The following SCNN1B variants were observed in gnomAD, a reference collection of about 807,000 sequenced individuals.
The protein encoded by SCNN1B is epithelial sodium channel subunit beta.
SCNN1B carries 46 observed loss-of-function variants against 65.3 expected under a neutral mutation model. That is an observed-to-expected ratio of 0.70 (90% CI 0.56 to 0.90). The LOEUF (loss-of-function observed/expected upper bound fraction) is 0.90, where lower values mean the gene tolerates loss of function less well. Among genes scored for constraint, SCNN1B ranks in the 40% least tolerant of loss-of-function variants. SCNN1B has a pLI of 0.00. For synonymous variants in SCNN1B, 349 were observed against 330.6 expected, an observed-to-expected ratio of 1.06 and a Z score of -0.60; for missense variants, 751 against 830.5, an observed-to-expected ratio of 0.90 and a Z score of 1.18.
At chr16:23,358,829 C>T (rs1370537423) in intron 4 of SCNN1B, among the ~76,000 whole-genome samples, 1 of 152,222 alleles carries the variant, frequency 6.6e-6, no homozygotes. Flanking sequence ...ATCACTTGAA[C>T]CCGGAAGGCA....
chr16:23,327,857 A>T (rs1352556102), intron 1 of SCNN1B, among the ~76,000 whole-genome samples: 2 of 152,212 alleles, frequency 1.3e-5, no homozygotes, highest in Non-Finnish European at 2.9e-5. Flanking sequence ...AAGGACATTC[A>T]CAAAGAAAAG....
intron 1 of SCNN1B, among the ~76,000 whole-genome samples, chr16:23,332,629 T>C (rs1282074956): frequency 1.3e-5 from 2 of 152,150 alleles, no homozygotes; most frequent in East Asian, 3.9e-4. Flanking sequence ...CCATGCCTGG[T>C]CAGAGATGTT....
intron 2 of SCNN1B, among the ~76,000 whole-genome samples, chr16:23,285,819 C>T (rs889906116): frequency 1.3e-5 from 2 of 152,042 alleles, no homozygotes; most frequent in South Asian, 2.1e-4. Flanking sequence ...ACTAAAACCA[C>T]GTGAATTAGC....
At chr16:23,314,095 C>T (rs1428093921) in intron 1 of SCNN1B, among the ~76,000 whole-genome samples, 3 of 152,232 alleles carry the variant, frequency 2.0e-5, no homozygotes, top group Non-Finnish European at 4.4e-5. Context: ...TCACAGCTCA[C>T]TGCAGCCTCA....
At chr16:23,297,443 A>G (rs1961014080), upstream of SCNN1B, among the ~76,000 whole-genome samples, 1 of 152,186 alleles carries the variant, frequency 6.6e-6, no homozygotes, top group African/African-American at 2.4e-5. Context: ...GCAAAAAGGA[A>G]ATTTATAGTC....
At chr16:23,366,967 G>A (rs17199599) in intron 4 of SCNN1B, among the ~76,000 whole-genome samples, 6,163 of 152,342 alleles carry the variant, frequency 0.04, 153 homozygotes, top group Non-Finnish European at 0.062. Flanking sequence ...CATCAGAAGA[G>A]GCAAGGAGGA....
At chr16:23,323,595 A>G (rs1316051779) in intron 1 of SCNN1B, 1 of 702,884 alleles carries the variant, frequency 1.4e-6, no homozygotes, top group Non-Finnish European at 2.6e-6. Context: ...AAATTCCACA[A>G]GGTCACACAG....
intron 2 of SCNN1B, among the ~76,000 whole-genome samples, chr16:23,290,981 T>G (rs887780650): frequency 1.3e-5 from 2 of 152,192 alleles, no homozygotes; most frequent in African/African-American, 2.4e-5. Flanking sequence ...TTTTAATTTT[T>G]TAATTACCTA....
At chr16:23,339,759 G>A (rs142390119) in intron 1 of SCNN1B, among the ~76,000 whole-genome samples, 10,042 of 151,866 alleles carry the variant, frequency 0.066, 1,106 homozygotes, top group African/African-American at 0.23. Flanking sequence ...GTAGAGACAG[G>A]GTTTCACCAT....
At chr16:23,362,483 A>G (rs1962573033) in intron 4 of SCNN1B, among the ~76,000 whole-genome samples, 1 of 152,148 alleles carries the variant, frequency 6.6e-6, no homozygotes, top group African/African-American at 2.4e-5. Context: ...CTGACCACAC[A>G]ACAGTGGTTA....
chr16:23,370,753 G>C (rs1434267483), intron 5 of SCNN1B, among the ~76,000 whole-genome samples: 1 of 152,218 alleles, frequency 6.6e-6, no homozygotes, highest in African/African-American at 2.4e-5. Flanking sequence ...TAGGGGAAGG[G>C]AAGGGGCAGA....
At chr16:23,349,977 C>T (rs1962275611) in intron 2 of SCNN1B, among the ~76,000 whole-genome samples, 2 of 151,906 alleles carry the variant, frequency 1.3e-5, no homozygotes, top group South Asian at 4.2e-4. Flanking sequence ...ACTTAGGAGG[C>T]TGAGGCACGA....
chr16:23,287,456 A>G (rs1960866119), intron 2 of SCNN1B, among the ~76,000 whole-genome samples: 1 of 152,184 alleles, frequency 6.6e-6, no homozygotes, highest in South Asian at 2.1e-4. Flanking sequence ...AAGATCCTGT[A>G]ATCCCAACAC....
upstream of SCNN1B, among the ~76,000 whole-genome samples, chr16:23,301,654 C>T (rs764471177): frequency 4.6e-5 from 7 of 152,046 alleles, no homozygotes; most frequent in Non-Finnish European, 1.0e-4. Context: ...GCGCAAGGCC[C>T]GCCAGTGCCC....
At position 23,377,336 on chromosome 16, in the gene SCNN1B, C is replaced by A; in HGVS notation, c.1354C>A (p.Gln452Lys). 5.6e-6 allele frequency: 9 copies of A among 1,614,194 alleles called. No homozygotes were observed. Among genetic ancestry groups the A allele is most frequent in the Non-Finnish European group, 7.6e-6 (9 of 1,180,034 alleles). Residue 452 changes from glutamine (Q) to lysine (K), a missense_variant, in exon 10 of 13, where the codon CAG (glutamine) becomes AAG (lysine). Physicochemically the swap from Gln to Lys is moderately conservative, Grantham distance 53. Coordinates refer to ENST00000343070, the MANE Select transcript of SCNN1B (RefSeq NM_000336.3). ...GMCKESCNDT[Q>K]YKMTISMADW... ...CCTGGCCTTCTCTTTCAGTGACACC[C>A]AGTACAAGATGACCATCTCCATGGC...
chr16:23,333,210 G>A (rs576986768), intron 1 of SCNN1B, among the ~76,000 whole-genome samples: 78 of 86,184 alleles, frequency 9.1e-4, no homozygotes, highest in Middle Eastern at 8.1e-3. Context: ...AGGAAGGAAG[G>A]AAGAAAGAAA....
chr16:23,292,232 C>T lies in SCNN1B; in HGVS notation n.178+8428C>T, dbSNP rs188211822. 6.7e-3 allele frequency among the ~76,000 whole-genome samples: 965 copies of T among 144,868 alleles called. 12 individuals carry two copies. Among genetic ancestry groups the T allele is most frequent in the African/African-American group, 0.022 (866 of 38,972 alleles). Reference sequence around the variant, plus strand: ...TTTTTGAGACGGAGTCTCGCTCTGTCGCCCAGGCTGGAGTGCAGTGGCACG... The same window carrying T: ...TTTTTGAGACGGAGTCTCGCTCTGTTGCCCAGGCTGGAGTGCAGTGGCACG... On this transcript the variant is annotated intron_variant and non_coding_transcript_variant, in intron 2 of 3. Coordinates refer to the SCNN1B transcript ENST00000569789.
At position 23,376,883 on chromosome 16, in the gene SCNN1B, C is replaced by T. The variant is rs1293147886; in HGVS notation, c.1271-282C>T. Reference sequence around the variant, plus strand: ...ACGTTATTCCTTCCAGTCACCCACCCTTTGTTCATGACCCCATAACCCTGT... The same window carrying T: ...ACGTTATTCCTTCCAGTCACCCACCTTTTGTTCATGACCCCATAACCCTGT... On this transcript the variant is annotated intron_variant, in intron 8 of 12. Transcript: ENST00000343070. 3.9e-5 allele frequency among the ~76,000 whole-genome samples: 6 copies of T among 152,206 alleles called. No individual in the cohort carries two copies. In the East Asian group the frequency reaches 9.6e-4, roughly 24 times the overall value.
At chr16:23,338,579 A>G (rs1252797058) in intron 1 of SCNN1B, among the ~76,000 whole-genome samples, 1 of 152,198 alleles carries the variant, frequency 6.6e-6, no homozygotes, top group Non-Finnish European at 1.5e-5. Context: ...TCTGACCTGC[A>G]ATTTACAGGA....
Sources: allele counts gnomAD v4.1 joint callset (sites outside exome capture counted in the v4.1 genomes callset), GRCh38; gene constraint gnomAD v4.1.1; transcripts MANE v1.5; gene names NCBI Gene and HGNC (gene_info 2026-07-23, HGNC 2026-07-21).